CNTNAP2: variants seen among roughly 807,000 people sequenced by gnomAD.
The protein encoded by CNTNAP2 is contactin-associated protein-like 2.
Under a neutral mutation model 155.2 loss-of-function variants are expected in CNTNAP2, and 98 were observed. That is an observed-to-expected ratio of 0.63 (90% CI 0.54 to 0.75). The LOEUF is 0.75. Among genes scored for constraint, CNTNAP2 ranks in the 30% least tolerant of loss-of-function variants. The pLI is 0.00. For missense variants in CNTNAP2, 1,727 were observed against 1,688.1 expected (o/e 1.02, Z -0.40); for synonymous variants, 651 against 631.2 (o/e 1.03, Z -0.47).
At chr7:147,802,627 C>T (rs1798021756) in intron 13 of CNTNAP2, among the ~76,000 whole-genome samples, 1 of 152,088 alleles carries the variant, frequency 6.6e-6, no homozygotes, top group Non-Finnish European at 1.5e-5. Context: ...AGTACGAAAA[C>T]CAGTCAGGCG....
At chr7:147,900,424 C>T (rs142034677) in intron 13 of CNTNAP2, among the ~76,000 whole-genome samples, 5 of 152,166 alleles carry the variant, frequency 3.3e-5, no homozygotes, top group African/African-American at 1.2e-4. Flanking sequence ...CTCTCCTGCC[C>T]CCATGAGAAG....
At chr7:148,128,498 A>G (rs1348184913) in intron 16 of CNTNAP2, among the ~76,000 whole-genome samples, 1 of 152,208 alleles carries the variant, frequency 6.6e-6, no homozygotes, top group African/African-American at 2.4e-5. Flanking sequence ...AATTTGTGCT[A>G]TATTAAAGCT....
intron 13 of CNTNAP2, among the ~76,000 whole-genome samples, chr7:147,788,766 T>C (rs12538667): frequency 0.31 from 47,372 of 151,760 alleles, 8,086 homozygotes; most frequent in East Asian, 0.55. Flanking sequence ...TCTTGGTGGA[T>C]GCAGCGGTGA....
intron 17 of CNTNAP2, among the ~76,000 whole-genome samples, chr7:148,150,835 C>T (rs540307140): frequency 2.4e-4 from 36 of 152,080 alleles, no homozygotes; most frequent in African/African-American, 8.0e-4. Flanking sequence ...CCTCAACCTC[C>T]CAGGCTCAAG....
chr7:148,178,173 T>C (rs996683751), intron 18 of CNTNAP2, among the ~76,000 whole-genome samples: 1 of 152,218 alleles, frequency 6.6e-6, no homozygotes, highest in Admixed American at 6.5e-5. Context: ...CAAGAACTTA[T>C]CATCAAGAGA....
At chr7:148,142,001 G>T (rs1042081791) in intron 16 of CNTNAP2, among the ~76,000 whole-genome samples, 1 of 152,080 alleles carries the variant, frequency 6.6e-6, no homozygotes, top group Non-Finnish European at 1.5e-5. Flanking sequence ...AAACAAAAGG[G>T]TGCATAGAAA....
chr7:146,642,040 G>T (rs1392844977), intron 1 of CNTNAP2, among the ~76,000 whole-genome samples: 14 of 151,942 alleles, frequency 9.2e-5, no homozygotes, highest in Admixed American at 9.2e-4. Flanking sequence ...AGAACTTTTA[G>T]GTTGGTGAAG....
intron 17 of CNTNAP2, among the ~76,000 whole-genome samples, chr7:148,167,808 G>A (rs992188102): frequency 1.3e-5 from 2 of 152,168 alleles, no homozygotes; most frequent in African/African-American, 4.8e-5. Context: ...TGCAGGAAGA[G>A]AGATGGATCC....
chr7:147,132,132 C>A, intron 7 of CNTNAP2, 113 bp from the exon 8 acceptor site: 1 of 1,360,238 alleles, frequency 7.4e-7, no homozygotes, highest in Non-Finnish European at 1.0e-6. Context: ...GTGAGTTTAG[C>A]TTAGGCTCAG....
chr7:146,973,091 C>G (rs1230329870), intron 3 of CNTNAP2, among the ~76,000 whole-genome samples: 6 of 152,244 alleles, frequency 3.9e-5, no homozygotes, highest in Admixed American at 6.5e-5. Context: ...TGCAATGGCA[C>G]GATCCCAGCT....
chr7:147,127,821 G>A lies in CNTNAP2; in HGVS notation c.940-872G>A, dbSNP rs541660940. ...GGTAATATTGTATGATAATTTAAAA[G>A]ATATATATTACAAGTATTGTATATC... On this transcript the variant is annotated intron_variant, in intron 6 of 23. Coordinates refer to ENST00000361727, the MANE Select transcript of CNTNAP2 (RefSeq NM_014141.6). 1.4e-3 allele frequency among the ~76,000 whole-genome samples: 207 copies of A among 152,164 alleles called. 1 individual carries two copies. Among genetic ancestry groups the A allele is most frequent in the Middle Eastern group, 0.01 (3 of 294 alleles).
chr7:146,136,657 T>C (rs1797801953), intron 1 of CNTNAP2, among the ~76,000 whole-genome samples: 1 of 105,324 alleles, frequency 9.5e-6, no homozygotes, highest in Non-Finnish European at 1.9e-5. Context: ...CTGGTGTGGT[T>C]TGGTTTGGTT....
intron 1 of CNTNAP2, among the ~76,000 whole-genome samples, chr7:146,222,461 A>G (rs1799221240): frequency 6.6e-6 from 1 of 151,980 alleles, no homozygotes; most frequent in Non-Finnish European, 1.5e-5. Flanking sequence ...GGTAGAGAGG[A>G]TGGCAAATGA....
chr7:148,096,156 A>G (rs1290448596), intron 15 of CNTNAP2, among the ~76,000 whole-genome samples: 1 of 152,178 alleles, frequency 6.6e-6, no homozygotes, highest in African/African-American at 2.4e-5. Context: ...AACTTTGGAA[A>G]TTATTACTTG....
intron 18 of CNTNAP2, among the ~76,000 whole-genome samples, chr7:148,180,304 C>CT (rs971775067): frequency 4.0e-5 from 6 of 151,440 alleles, no homozygotes; most frequent in South Asian, 2.1e-4. Context: ...GAATAGAACC[C>CT]TTTTTTTTTC....
chr7:148,415,829 T>C lies in CNTNAP2; in HGVS notation c.*213T>C. On this transcript the variant is annotated 3_prime_UTR_variant, in exon 24 of 24. Transcript: ENST00000361727. ...TTCTTTATAGCTGAGTTTTCCCTTC[T>C]GTATCAAAACAAAATAATACAAAAA... The C allele has an allele frequency of 1.6e-6, 1 of 616,130 alleles. No homozygotes were observed. The highest frequency in any genetic ancestry group is 2.8e-5 in the East Asian group (1 of 36,286). The allele number at this position is 616,130 out of a possible 1,614,324, so 38.2% of individuals were successfully genotyped here.
intron 1 of CNTNAP2, among the ~76,000 whole-genome samples, chr7:146,752,885 T>A (rs1440362611): frequency 1.3e-5 from 2 of 152,130 alleles, no homozygotes; most frequent in African/African-American, 4.8e-5. Flanking sequence ...CAAAAATTGG[T>A]TTAAGTGATT....
chr7:147,984,390 C>T (rs994567151), intron 15 of CNTNAP2, among the ~76,000 whole-genome samples: 3 of 152,194 alleles, frequency 2.0e-5, no homozygotes, highest in African/African-American at 7.2e-5. Flanking sequence ...TTTTGGTTCA[C>T]AGTACCTTTG....
At chr7:147,882,516 C>T (rs1029979679) in intron 13 of CNTNAP2, among the ~76,000 whole-genome samples, 1 of 152,206 alleles carries the variant, frequency 6.6e-6, no homozygotes, top group Non-Finnish European at 1.5e-5. Flanking sequence ...AGCCTCTAGG[C>T]TGTCAACATT....
Sources: allele counts gnomAD v4.1 joint callset (sites outside exome capture counted in the v4.1 genomes callset), GRCh38; gene constraint gnomAD v4.1.1; transcripts MANE v1.5; gene names NCBI Gene and HGNC (gene_info 2026-07-23, HGNC 2026-07-21).